Variants in PUS7L observed in about 807,000 individuals in gnomAD.
PUS7L encodes pseudouridylate synthase PUS7L.
Under a neutral mutation model 51.1 loss-of-function variants are expected in PUS7L, and 49 were observed. The ratio of observed to expected loss-of-function variants is 0.96; its 90% CI spans 0.76 to 1.22. The LOEUF (loss-of-function observed/expected upper bound fraction) is 1.22. Ranked by LOEUF, PUS7L falls within the 50% of genes most tolerant of loss-of-function variation. The probability of loss-of-function intolerance (pLI) is 0.00; values close to 1 mark genes in which losing one functional copy is unlikely to be tolerated. For synonymous variants in PUS7L, 277 were observed against 276.2 expected, an observed-to-expected ratio of 1.00 and a Z score of -0.03; for missense variants, 828 against 820.6, an observed-to-expected ratio of 1.01 and a Z score of -0.11.
chr12:43,732,827 T>C (rs1417671279), intron 7 of PUS7L, among the ~76,000 whole-genome samples: 1 of 152,218 alleles, frequency 6.6e-6, no homozygotes, highest in Non-Finnish European at 1.5e-5. Flanking sequence ...GTAACTAACC[T>C]CTTTCAGTTA....
At chr12:43,746,025 T>C in intron 4 of PUS7L, 21 bp downstream of exon 4, 1 of 1,254,244 alleles carries the variant, frequency 8.0e-7, no homozygotes. Context: ...CTGGATGCCT[T>C]TTAAAATTAA....
At position 43,725,693 on chromosome 12, in the gene PUS7L, G is replaced by T. The variant is rs1460820609; in HGVS notation, c.*4683C>A. ...GTGAGCCACCGTGCCTGGCCTAAAT[G>T]GAAGTTAATATCCAAAAACTTGTTC... On this transcript the variant is annotated 3_prime_UTR_variant, in exon 9 of 9. Coordinates refer to ENST00000344862, the MANE Select transcript of PUS7L (RefSeq NM_031292.5). The T allele has an allele frequency of 1.3e-5, 2 of 152,008 alleles. No individual in the cohort carries two copies. The highest frequency in any genetic ancestry group is 3.9e-4 in the East Asian group (2 of 5,180). 9.4% of individuals were successfully genotyped at this position (152,008 alleles called of 1,614,324 possible).
At chr12:43,744,547 T>G (rs983796834) in intron 4 of PUS7L, among the ~76,000 whole-genome samples, 6 of 152,196 alleles carry the variant, frequency 3.9e-5, no homozygotes, top group South Asian at 2.1e-4. Context: ...AGCACTTTTC[T>G]TCATAAATTG....
Position 43,755,135 on chromosome 12 carries a change from A to C in PUS7L, c.111T>G (p.Ile37Met). ...IKSSPSDFIV[I>M]EIDEQGQLVN... ...CTAACTGTCCCTGTTCATCAATTTC[A>C]ATAACAATAAAGTCACTTGGTGAGC... Residue 37 changes from isoleucine to methionine, a missense_variant, in exon 2 of 9, where the codon ATT (isoleucine) becomes ATG (methionine). Coordinates refer to ENST00000344862, the MANE Select transcript of PUS7L (RefSeq NM_031292.5). The C allele has an allele frequency of 6.2e-7, 1 of 1,613,580 alleles. No individual in the cohort carries two copies. The highest frequency in any genetic ancestry group is 1.1e-5 in the South Asian group (1 of 91,056).
At chr12:43,750,156 A>G (rs1938374213) in intron 2 of PUS7L, among the ~76,000 whole-genome samples, 1 of 151,772 alleles carries the variant, frequency 6.6e-6, no homozygotes, top group Non-Finnish European at 1.5e-5. Context: ...TGGACATGTC[A>G]TTCAAAAAGC....
At chr12:43,743,886 T>C (rs1938034956) in intron 4 of PUS7L, among the ~76,000 whole-genome samples, 1 of 152,172 alleles carries the variant, frequency 6.6e-6, no homozygotes. Context: ...CCAGAAGAGT[T>C]TTAAATTAAC....
At chr12:43,742,416 T>A (rs761527861) in intron 5 of PUS7L, 41 bp downstream of exon 5, 1 of 1,409,316 alleles carries the variant, frequency 7.1e-7, no homozygotes, top group South Asian at 1.2e-5. Context: ...GTAAGTATAA[T>A]TGACAGAAAC....
At chr12:43,742,216 G>A (rs1051563844) in intron 5 of PUS7L, among the ~76,000 whole-genome samples, 2 of 152,154 alleles carry the variant, frequency 1.3e-5, no homozygotes, top group Non-Finnish European at 2.9e-5. Flanking sequence ...GGAAAGTGAT[G>A]GTCATTTCTG....
chr12:43,735,118 A>C (rs902736906), intron 7 of PUS7L, among the ~76,000 whole-genome samples: 21 of 151,996 alleles, frequency 1.4e-4, no homozygotes, highest in Admixed American at 1.2e-3. Context: ...GATCGAGACC[A>C]TCCTGGCTAA....
In PUS7L at chr12:43,730,043, CACA is replaced by C. The variant is rs1304197286; in HGVS notation, c.*330_*332del. ...CAAGGAGCTGGAGGATATGAATATT[CACA>C]ACTTTTTTTCTTAAATGTTATCTTG... On this transcript the variant is annotated 3_prime_UTR_variant, in exon 9 of 9. Transcript: ENST00000344862. 5.1e-6 allele frequency: 1 copy of C among 196,626 alleles called. No individual in the cohort carries two copies. Among genetic ancestry groups the C allele is most frequent in the African/African-American group, 2.3e-5 (1 of 43,034 alleles). The allele number at this position is 196,626 out of a possible 1,614,324, so 12.2% of individuals were successfully genotyped here. A position where few individuals can be genotyped will look rare whatever the true frequency, so the allele number is the denominator to read the frequency against.
intron 4 of PUS7L, among the ~76,000 whole-genome samples, chr12:43,743,388 A>C (rs1339274876): frequency 6.6e-6 from 1 of 152,246 alleles, no homozygotes; most frequent in South Asian, 2.1e-4. Flanking sequence ...CCAACTCAAG[A>C]ACTTTTTAAT....
intron 3 of PUS7L, among the ~76,000 whole-genome samples, 154 bp downstream of exon 3, chr12:43,748,293 CATA>C (rs1938268542): frequency 6.6e-6 from 1 of 151,958 alleles, no homozygotes; most frequent in South Asian, 2.1e-4. Context: ...ATAATAAAGG[CATA>C]ATATAATTAA....
At chr12:43,732,136 C>T (rs944289565) in intron 7 of PUS7L, among the ~76,000 whole-genome samples, 1 of 151,796 alleles carries the variant, frequency 6.6e-6, no homozygotes, top group African/African-American at 2.4e-5. Flanking sequence ...CTCTGTCCCC[C>T]GAAAATATAA....
intron 3 of PUS7L, among the ~76,000 whole-genome samples, chr12:43,748,171 G>A (rs950879052): frequency 5.3e-5 from 8 of 152,066 alleles, no homozygotes; most frequent in African/African-American, 1.9e-4. Flanking sequence ...ATAAATATAT[G>A]TCTTTTACAG....
intron 4 of PUS7L, 149 bp downstream of exon 4, chr12:43,745,897 C>T: frequency 2.0e-6 from 1 of 494,984 alleles, no homozygotes; most frequent in Non-Finnish European, 3.5e-6. Flanking sequence ...AGCCAAATGG[C>T]CCTAATTATC....
Position 43,721,664 on chromosome 12 carries a change from G to A in PUS7L, c.*8712C>T, listed in dbSNP as rs1944398264. ...TACAATACAATGTGAGCCATGAGATGGTAGAGAACTATACAAAAGGCTATG... is the reference window on the plus strand; with the variant it reads ...TACAATACAATGTGAGCCATGAGATAGTAGAGAACTATACAAAAGGCTATG... On this transcript the variant is annotated 3_prime_UTR_variant, in exon 9 of 9. Coordinates refer to ENST00000344862, the MANE Select transcript of PUS7L (RefSeq NM_031292.5). The A allele has an allele frequency of 6.6e-6, 1 of 152,076 alleles. No homozygotes were observed. Among genetic ancestry groups the A allele is most frequent in the Non-Finnish European group, 1.5e-5 (1 of 68,002 alleles). 9.4% of individuals were successfully genotyped at this position (152,076 alleles called of 1,614,324 possible).
rs1592169423 is a variant in PUS7L at position 43,742,637 on chromosome 12, A to C, written c.1264-82T>G. 108 of 1,456,258 alleles carry C rather than the reference A, an allele frequency of 7.4e-5. No individual in the cohort carries two copies. In the East Asian group the frequency reaches 2.7e-3, roughly 36 times the overall value. The allele number at this position is 1,456,258 out of a possible 1,614,324, so 90.2% of individuals were successfully genotyped here. ...AATACACAATTGAATTTTTCTCTTC[A>C]TAATTATTTTAACAGAATAACTCTG... On this transcript the variant is annotated intron_variant, in intron 4 of 8. Coordinates refer to ENST00000344862, the MANE Select transcript of PUS7L (RefSeq NM_031292.5).
At chr12:43,741,704 G>C (rs981769283) in intron 5 of PUS7L, among the ~76,000 whole-genome samples, 1 of 152,086 alleles carries the variant, frequency 6.6e-6, no homozygotes, top group African/African-American at 2.4e-5. Context: ...TTATAGATTT[G>C]CAGATGTGGT....
rs1938164876 is a variant in PUS7L, at chr12:43,746,212, T to A, written c.1097A>T (p.Glu366Val). The A allele has an allele frequency of 7.0e-7, 1 of 1,426,428 alleles. No homozygotes were observed. Among genetic ancestry groups the A allele is most frequent in the African/African-American group, 1.5e-5 (1 of 68,554 alleles). 88.4% of individuals were successfully genotyped at this position (1,426,428 alleles called of 1,614,324 possible). A position where few individuals can be genotyped will look rare whatever the true frequency, so the allele number is the denominator to read the frequency against. ...ATTAAAGACATTCATTCTTTTCTTT[T>A]CAATTTCTTTTTCAATATTTTTCAA... ...ERLKNIEKEI[E>V]KKRMNVFNIR... The change falls in exon 4 of 9, where the codon GAA (glutamate) becomes GTA (valine). Residue 366 changes from glutamate to valine, a missense_variant. Glu to Val is a moderately radical substitution (Grantham distance 121, BLOSUM62 -2). Transcript: ENST00000344862.
Sources: gnomAD v4.1 joint callset for allele counts (sites outside exome capture counted in the v4.1 genomes callset) on GRCh38, gnomAD v4.1.1 for gene constraint, MANE v1.5 for transcripts, NCBI Gene and HGNC (gene_info 2026-07-23, HGNC 2026-07-21) for gene names.